CAPN2: variants seen among roughly 807,000 people sequenced by gnomAD.
The protein encoded by CAPN2 is calpain-2 catalytic subunit.
Under a neutral mutation model 102.3 loss-of-function variants are expected in CAPN2, and 92 were observed. The ratio of observed to expected loss-of-function variants is 0.90; its 90% confidence interval spans 0.76 to 1.07. The LOEUF (loss-of-function observed/expected upper bound fraction) is 1.07. Among genes scored for constraint, CAPN2 ranks in the 50% least tolerant of loss-of-function variants. The pLI, the probability that CAPN2 is intolerant of heterozygous loss-of-function variation, is 0.00. For synonymous variants in CAPN2, 340 were observed against 355.4 expected, an observed-to-expected ratio of 0.96 and a Z score of 0.49; for missense variants, 800 against 909.4, an observed-to-expected ratio of 0.88 and a Z score of 1.55.
At position 223,727,415 on chromosome 1, in the gene CAPN2, C is replaced by A. The variant is rs945207758; in HGVS notation, c.307+9584C>A. ...CCCGTGTGCCACTCAAAAATGTCTG[C>A]AGACCTTGCCAAATGTCCCCTGGGG... On this transcript the variant is annotated intron_variant, in intron 2 of 20. Transcript: ENST00000295006. The surrounding 1 kb of genome is among the most constrained non-coding windows in gnomAD (Gnocchi z 4.1). Among the ~76,000 whole-genome samples, 3 of 152,160 alleles carry A rather than the reference C, an allele frequency of 2.0e-5. No homozygotes were observed. Among genetic ancestry groups the A allele is most frequent in the Non-Finnish European group, 4.4e-5 (3 of 68,028 alleles).
At position 223,731,813 on chromosome 1, in the gene CAPN2, G is replaced by A. The variant is rs1660345218; in HGVS notation, c.308-12287G>A. On this transcript the variant is annotated intron_variant, in intron 2 of 20. Transcript: ENST00000295006. This position sits in a 1 kb window ranked among gnomAD's most constrained non-coding sequence, Gnocchi z 4.2. ...CAGCGGAAGGCATCTGGGAGTCTGG[G>A]CTGCCCCGTAGCAGCTCTGTGTTCT... Among the ~76,000 whole-genome samples, 1 of 152,206 alleles carries A rather than the reference G, an allele frequency of 6.6e-6. No individual in the cohort carries two copies. Among genetic ancestry groups the A allele is most frequent in the Non-Finnish European group, 1.5e-5 (1 of 68,038 alleles).
chr1:223,729,716 A>T (rs191192208), intron 2 of CAPN2, among the ~76,000 whole-genome samples: 1 of 152,280 alleles, frequency 6.6e-6, no homozygotes, highest in East Asian at 1.9e-4. Context: ...AAGACCTGGA[A>T]TCAAGGCCGG....
chr1:223,711,596 A>G (rs1659728971), upstream of CAPN2, among the ~76,000 whole-genome samples: 1 of 150,232 alleles, frequency 6.7e-6, no homozygotes, highest in Non-Finnish European at 1.5e-5. Context: ...TTGTTGTTTT[A>G]TTGGCCAAAT....
Position 223,747,021 on chromosome 1 carries a change from A to G in CAPN2, c.585A>G (p.Leu195=), listed in dbSNP as rs761588429. ...YAKINGCYEA[L]SGGATTEGFE... Reference sequence around the variant, plus strand: ...GGATCAACGGATGCTATGAAGCGCTATCAGGGGGTGCCACCACTGAGGGCT... The same window carrying G: ...GGATCAACGGATGCTATGAAGCGCTGTCAGGGGGTGCCACCACTGAGGGCT... Residue 195 remains leucine (L), a synonymous_variant, in exon 5 of 21, where the codon CTA becomes CTG. Transcript: ENST00000295006. The G allele has an allele frequency of 3.0e-5, 49 of 1,613,796 alleles. No homozygotes were observed. Among genetic ancestry groups the G allele is most frequent in the Non-Finnish European group, 1.9e-5 (23 of 1,179,864 alleles).
chr1:223,747,141 C>T lies in CAPN2; in HGVS notation c.705C>T (p.Gly235=), dbSNP rs780149356. 1.2e-5 allele frequency: 19 copies of T among 1,613,754 alleles called. No homozygotes were observed. The highest frequency in any genetic ancestry group is 1.5e-5 in the Non-Finnish European group (18 of 1,179,832). ...TCATCCAGAAAGCTCTGCAAAAAGG[C>T]TCTCTCCTTGGCTGCTCCATCGACG... is the stretch of plus-strand genomic sequence containing the variant. ...FKIIQKALQK[G]SLLGCSIDIT... is the part of the protein sequence containing the mutation. The change falls in exon 5 of 21, where the codon GGC becomes GGT. Residue 235 remains glycine (G), a synonymous_variant. Coordinates refer to ENST00000295006, the MANE Select transcript of CAPN2 (RefSeq NM_001748.5).
At chr1:223,738,461 G>A (rs1016312347) in intron 2 of CAPN2, among the ~76,000 whole-genome samples, 9 of 152,172 alleles carry the variant, frequency 5.9e-5, no homozygotes, top group Non-Finnish European at 1.3e-4. Flanking sequence ...ATGAGCCACC[G>A]TACCTAGCCC....
At chr1:223,701,811 A>T (rs1398557225) in exon 1 of CAPN2, 1 of 152,230 alleles carries the variant, frequency 6.6e-6, no homozygotes, top group Middle Eastern at 3.1e-3. Flanking sequence ...TCAGGAGTTC[A>T]AGACCAGCCT....
Position 223,755,631 on chromosome 1 carries a change from C to T in CAPN2, c.1287C>T (p.Ile429=), listed in dbSNP as rs753793409. ...QRKMGEDMHT[I]GFGIYEVPEE... is the part of the protein sequence containing the mutation. The stretch of plus-strand genomic sequence containing the variant: ...AGATGGGCGAGGACATGCACACCAT[C>T]GGCTTTGGCATCTATGAGGTGCAGA... Residue 429 remains isoleucine, a synonymous_variant, in exon 10 of 21, where the codon ATC becomes ATT. Transcript: ENST00000295006. This position sits in a 1 kb window ranked among gnomAD's most constrained non-coding sequence, Gnocchi z 4.1. 6.2e-6 allele frequency: 10 copies of T among 1,601,308 alleles called. No individual in the cohort carries two copies. Among genetic ancestry groups the T allele is most frequent in the African/African-American group, 5.3e-5 (4 of 74,798 alleles).
At chr1:223,766,230 C>T (rs1402730563) in intron 15 of CAPN2, 137 bp from the exon 16 acceptor site, 1 of 670,440 alleles carries the variant, frequency 1.5e-6, no homozygotes, top group South Asian at 1.7e-5. Flanking sequence ...TCACTAGCCA[C>T]ATGTGGCTAT....
intron 2 of CAPN2, among the ~76,000 whole-genome samples, chr1:223,740,095 G>C (rs1448480526): frequency 6.6e-6 from 1 of 152,132 alleles, no homozygotes; most frequent in Non-Finnish European, 1.5e-5. Flanking sequence ...TGGACCCTCA[G>C]CTGGGAAAGA....
chr1:223,743,739 G>A (rs1558069024), intron 2 of CAPN2, among the ~76,000 whole-genome samples: 1 of 152,204 alleles, frequency 6.6e-6, no homozygotes, highest in Non-Finnish European at 1.5e-5. Flanking sequence ...TCACTGTGGA[G>A]CATCTGCTGC....
chr1:223,750,791 A>G (rs972545997), intron 6 of CAPN2, 99 bp from the exon 7 acceptor site: 4 of 1,113,392 alleles, frequency 3.6e-6, no homozygotes, highest in South Asian at 2.7e-5. Context: ...CCTCAGCCCC[A>G]TACCTCCTGG....
chr1:223,717,889 G>C, intron 2 of CAPN2, 58 bp downstream of exon 2: 1 of 1,305,400 alleles, frequency 7.7e-7, no homozygotes, highest in Non-Finnish European at 1.1e-6. Flanking sequence ...GTGGGTGGAA[G>C]AGATGAGGGA....
At chr1:223,710,146 T>G (rs1331976608), upstream of CAPN2, among the ~76,000 whole-genome samples, 1 of 152,026 alleles carries the variant, frequency 6.6e-6, no homozygotes, top group Non-Finnish European at 1.5e-5. Context: ...TGTGGTGGTG[T>G]GCACCTGTAA....
At chr1:223,709,463 C>T (rs1006454609), upstream of CAPN2, among the ~76,000 whole-genome samples, 19 of 152,034 alleles carry the variant, frequency 1.2e-4, no homozygotes, top group Admixed American at 1.3e-4. Context: ...GAGTTCGAGA[C>T]CAGCCTAGCC....
rs751016509 is a variant in CAPN2, at chr1:223,752,856, A to G, written c.1035A>G (p.Pro345=). ...GCCTGGAGATCTGTAACCTGACCCC[A>G]GACACTCTCACCAGCGATACCTACA... is the stretch of plus-strand genomic sequence containing the variant. ...YSRLEICNLT[P]DTLTSDTYKK... is the part of the protein sequence containing the mutation. The change falls in exon 9 of 21, where the codon CCA becomes CCG. Residue 345 remains proline (P), a synonymous_variant. Transcript: ENST00000295006. The G allele has an allele frequency of 8.1e-6, 13 of 1,614,002 alleles. No homozygotes were observed. The South Asian group carries it at 1.3e-4, about 16-fold the overall frequency.
upstream of CAPN2, among the ~76,000 whole-genome samples, chr1:223,707,686 G>C (rs1245441691): frequency 6.6e-6 from 1 of 152,202 alleles, no homozygotes; most frequent in Non-Finnish European, 1.5e-5. Context: ...TAGAAGGCTG[G>C]CAAGGGGAGT....
rs201171878 is a variant in CAPN2 at position 223,752,015 on chromosome 1, T to A, written c.918T>A (p.Thr306=). 6 of 1,612,416 alleles carry A rather than the reference T, an allele frequency of 3.7e-6. No individual in the cohort carries two copies. Among genetic ancestry groups the A allele is most frequent in the Non-Finnish European group, 5.1e-6 (6 of 1,178,890 alleles). The change falls in exon 8 of 21, where the codon ACT becomes ACA. Residue 306 remains threonine, a synonymous_variant. Coordinates refer to ENST00000295006, the MANE Select transcript of CAPN2 (RefSeq NM_001748.5). ...RWNDNCPSWN[T]IDPEERERLT... ...TTTCCAGCTGCCCAAGCTGGAACAC[T>A]ATAGACCCAGAGGAGAGGGAAAGGC...
chr1:223,714,565 G>A (rs1413666847), intron 1 of CAPN2, among the ~76,000 whole-genome samples: 1 of 148,826 alleles, frequency 6.7e-6, no homozygotes, highest in East Asian at 2.0e-4. Context: ...GATCGCTTGA[G>A]CCAGGAGTTC....
Sources: allele counts gnomAD v4.1 joint callset (sites outside exome capture counted in the v4.1 genomes callset), GRCh38; gene constraint gnomAD v4.1.1; non-coding constraint Gnocchi (gnomAD v3.1); transcripts MANE v1.5; gene names NCBI Gene and HGNC (gene_info 2026-07-23, HGNC 2026-07-21).